The following TRIM37 variants were observed in gnomAD, a reference collection of about 807,000 sequenced individuals.
The protein encoded by TRIM37 is E3 ubiquitin-protein ligase TRIM37.
A neutral mutation model predicts 129.8 loss-of-function variants in TRIM37; 80 were observed. The ratio of observed to expected loss-of-function variants is 0.62; its 90% CI spans 0.51 to 0.74. The LOEUF (loss-of-function observed/expected upper bound fraction) is 0.74, where lower values mean the gene tolerates loss of function less well. Ranked by LOEUF, TRIM37 falls within the 30% of genes least tolerant of loss-of-function variation. The probability of loss-of-function intolerance (pLI) is 0.00; values close to 1 mark genes in which losing one functional copy is unlikely to be tolerated. For missense variants in TRIM37, 1,054 were observed against 1,176.5 expected, an observed-to-expected ratio of 0.90 and a Z score of 1.52; for synonymous variants, 389 against 387.1, an observed-to-expected ratio of 1.00 and a Z score of -0.06.
intron 22 of TRIM37, among the ~76,000 whole-genome samples, chr17:59,006,804 G>A (rs56350935): frequency 0.014 from 2,145 of 152,056 alleles, 25 homozygotes; most frequent in Non-Finnish European, 0.023. Flanking sequence ...CAGGAGAATC[G>A]CTTGAACCTG....
Position 59,070,875 on chromosome 17 carries a change from G to C in TRIM37, c.757C>G (p.Arg253Gly). 1 of 1,613,942 alleles carries C rather than the reference G, an allele frequency of 6.2e-7. No individual in the cohort carries two copies. Among genetic ancestry groups the C allele is most frequent in the Non-Finnish European group, 8.5e-7 (1 of 1,179,910 alleles). ...GTAACAAAAGATGCCATGGGCTTCCGATGAACTTGCTGAAACATCATAAGG... is the reference window on the plus strand; with the variant it reads ...GTAACAAAAGATGCCATGGGCTTCCCATGAACTTGCTGAAACATCATAAGG... ...EILMMFQQVH[R>G]KPMASFVTTP... The change falls in exon 9 of 24, where the codon CGG (arginine) becomes GGG (glycine). Residue 253 changes from arginine to glycine, a missense_variant. Physicochemically the swap from Arg to Gly is moderately radical, Grantham distance 125. Transcript: ENST00000262294.
chr17:58,991,591 C>T (rs938458807), intron 24 of TRIM37, among the ~76,000 whole-genome samples: 39 of 152,158 alleles, frequency 2.6e-4, no homozygotes, highest in African/African-American at 8.9e-4. Flanking sequence ...GACACCAAAT[C>T]AGATGACGAC....
chr17:59,072,872 C>T (rs2042505678), intron 8 of TRIM37, among the ~76,000 whole-genome samples: 1 of 151,968 alleles, frequency 6.6e-6, no homozygotes, highest in Non-Finnish European at 1.5e-5. Flanking sequence ...TAAGTGGTAA[C>T]AGCAGAAAAC....
chr17:59,019,265 A>C (rs1490756743), intron 19 of TRIM37, among the ~76,000 whole-genome samples: 1 of 152,224 alleles, frequency 6.6e-6, no homozygotes, highest in Non-Finnish European at 1.5e-5. Flanking sequence ...CCATCAACTA[A>C]TGAGTGGATA....
intron 4 of TRIM37, among the ~76,000 whole-genome samples, chr17:59,086,764 A>G (rs1268459822): frequency 6.6e-6 from 1 of 152,212 alleles, no homozygotes; most frequent in Non-Finnish European, 1.5e-5. Context: ...AAAATTTGCC[A>G]AAACTCCTCT....
chr17:59,070,442 GA>G (rs916814092), intron 9 of TRIM37, among the ~76,000 whole-genome samples: 2 of 149,684 alleles, frequency 1.3e-5, no homozygotes, highest in African/African-American at 4.9e-5. Context: ...GGAGCTCTTG[GA>G]AAAAAAAATG....
chr17:59,049,308 GCAT>G lies in TRIM37; in HGVS notation c.1397_1399del (p.Asp466del). ...AGACTTCTTAGCTCGTGTCTCCAGA[GCAT>G]CATCATTTTGGGGGCTAAGATGGTT... On this transcript the variant is annotated inframe_deletion, in exon 15 of 24. Transcript: ENST00000262294. 2 of 1,614,130 alleles carry G rather than the reference GCAT, an allele frequency of 1.2e-6. No homozygotes were observed. The highest frequency in any genetic ancestry group is 1.7e-6 in the Non-Finnish European group (2 of 1,180,030).
At chr17:59,025,966 T>A (rs1311744043) in intron 19 of TRIM37, among the ~76,000 whole-genome samples, 7 of 152,226 alleles carry the variant, frequency 4.6e-5, no homozygotes, top group Non-Finnish European at 5.9e-5. Flanking sequence ...TCTACTAAAT[T>A]GTCTTCCTTA....
At chr17:59,044,024 G>A (rs1188501061) in intron 16 of TRIM37, among the ~76,000 whole-genome samples, 1 of 152,184 alleles carries the variant, frequency 6.6e-6, no homozygotes, top group Non-Finnish European at 1.5e-5. Context: ...CCCTGGTGTG[G>A]TGGTTCATGC....
chr17:58,986,074 AT>A (rs1442805720), intron 24 of TRIM37, among the ~76,000 whole-genome samples: 1 of 152,188 alleles, frequency 6.6e-6, no homozygotes, highest in African/African-American at 2.4e-5. Context: ...GTACAGTAAA[AT>A]CATTTGAACA....
intron 17 of TRIM37, among the ~76,000 whole-genome samples, chr17:59,032,864 G>T (rs1200972711): frequency 6.6e-6 from 1 of 152,066 alleles, no homozygotes; most frequent in Non-Finnish European, 1.5e-5. Context: ...ATGACAGTTT[G>T]GTAGACTTTT....
intron 24 of TRIM37, chr17:58,983,953 G>A (rs1271903112): frequency 6.6e-6 from 1 of 152,580 alleles, no homozygotes; most frequent in Non-Finnish European, 1.5e-5. Context: ...CTAATTTACA[G>A]GTTTCCTTTG....
In TRIM37 at chr17:59,015,677, C is replaced by T. The variant is rs2035837988; in HGVS notation, c.2509G>A (p.Ala837Thr). The change falls in exon 21 of 24, where the codon GCT (alanine) becomes ACT (threonine). Residue 837 changes from alanine (A) to threonine (T), a missense_variant. By Grantham distance (58) the Ala-to-Thr change is moderately conservative (BLOSUM62 0). Around this residue, in one of 3 missense-constraint regions of TRIM37, gnomAD observed 287 missense variants for 274.3 expected, o/e 1.05. Transcript: ENST00000262294. ...DRQCKALDSD[A>T]VVVAVFSGLP... ...CCACTGAAAACTGCAACCACAACAG[C>T]ATCTGAATCCAAAGCTTTACACTGC... The T allele has an allele frequency of 6.2e-7, 1 of 1,614,042 alleles. No homozygotes were observed. Among genetic ancestry groups the T allele is most frequent in the Admixed American group, 1.7e-5 (1 of 59,988 alleles).
At position 59,028,427 on chromosome 17, in the gene TRIM37, A is replaced by G. The variant is rs776660689; in HGVS notation, c.2245T>C (p.Tyr749His). The G allele has an allele frequency of 8.1e-6, 13 of 1,612,646 alleles. No individual in the cohort carries two copies. Among genetic ancestry groups the G allele is most frequent in the Non-Finnish European group, 1.0e-5 (12 of 1,180,028 alleles). The change falls in exon 19 of 24, where the codon TAC (tyrosine) becomes CAC (histidine). Residue 749 changes from tyrosine (Y) to histidine (H), a missense_variant. Tyr to His is a moderately conservative substitution (Grantham distance 83). Coordinates refer to ENST00000262294, the MANE Select transcript of TRIM37 (RefSeq NM_015294.6). ...LLAKSSVANC[Y>H]IRNSTNKKSN... ...ACATATTACTTACAGTTTCGTATGT[A>G]ACAATTGGCAACTGATGACTTTGCC...
At chr17:59,089,453 C>T (rs1047769643) in intron 3 of TRIM37, among the ~76,000 whole-genome samples, 37 of 152,132 alleles carry the variant, frequency 2.4e-4, no homozygotes, top group East Asian at 7.8e-4. Context: ...CCATCCTGGC[C>T]AACATGGTGA....
chr17:59,013,808 G>A (rs959591540), intron 21 of TRIM37, among the ~76,000 whole-genome samples: 1 of 152,122 alleles, frequency 6.6e-6, no homozygotes, highest in Non-Finnish European at 1.5e-5. Flanking sequence ...GATTACAGGT[G>A]TGTGCCACTG....
At chr17:59,042,631 T>G (rs2039376876) in intron 16 of TRIM37, among the ~76,000 whole-genome samples, 1 of 149,856 alleles carries the variant, frequency 6.7e-6, no homozygotes, top group African/African-American at 2.5e-5. Context: ...GGCGTTGTGG[T>G]GGGGACCTGT....
intron 7 of TRIM37, among the ~76,000 whole-genome samples, chr17:59,077,681 G>A (rs576550811): frequency 5.3e-5 from 8 of 151,808 alleles, no homozygotes; most frequent in African/African-American, 1.9e-4. Flanking sequence ...GTGGTGGCAC[G>A]TGCCTGTAGT....
At chr17:58,979,814 A>AT (rs757477303), downstream of TRIM37, among the ~76,000 whole-genome samples, 148 of 152,350 alleles carry the variant, frequency 9.7e-4, no homozygotes, top group Non-Finnish European at 1.9e-3. Context: ...TTACCAGAGA[A>AT]TTTAAGTATT....
Sources: allele counts gnomAD v4.1 joint callset (sites outside exome capture counted in the v4.1 genomes callset), GRCh38; gene constraint gnomAD v4.1.1; regional missense constraint gnomAD v4.1.1; transcripts MANE v1.5; gene names NCBI Gene and HGNC (gene_info 2026-07-23, HGNC 2026-07-21).